The following NAALADL2 variants were observed in gnomAD, a reference collection of about 807,000 sequenced individuals.
NAALADL2 encodes N-acetylated alpha-linked acidic dipeptidase like 2.
Under a neutral mutation model 87.2 loss-of-function variants are expected in NAALADL2, and 76 were observed. That is an observed-to-expected ratio of 0.87 (90% CI 0.72 to 1.05). NAALADL2 has a LOEUF of 1.05. NAALADL2 is among the 50% of genes least tolerant of loss of function. The pLI is 0.00. For missense variants in NAALADL2, 1,089 were observed against 945.8 expected, an observed-to-expected ratio of 1.15 and a Z score of -1.99; for synonymous variants, 354 against 331.0, an observed-to-expected ratio of 1.07 and a Z score of -0.75.
intron 5 of NAALADL2, among the ~76,000 whole-genome samples, chr3:175,424,297 C>T (rs1716408095): frequency 6.6e-6 from 1 of 152,056 alleles, no homozygotes; most frequent in Admixed American, 6.5e-5. Context: ...CTTTTGTTGT[C>T]ATTGTTTTTG....
At chr3:175,421,279 G>A (rs147369959) in intron 5 of NAALADL2, among the ~76,000 whole-genome samples, 8 of 151,958 alleles carry the variant, frequency 5.3e-5, no homozygotes, top group Non-Finnish European at 8.8e-5. Flanking sequence ...AATGGTTCTC[G>A]TAGCATTGTT....
At chr3:174,865,669 T>C (rs1727054745) in intron 1 of NAALADL2, among the ~76,000 whole-genome samples, 1 of 151,956 alleles carries the variant, frequency 6.6e-6, no homozygotes, top group South Asian at 2.1e-4. Context: ...TGATTCTTGG[T>C]ATTGTTATAA....
chr3:174,916,623 CA>C (rs944596067), intron 1 of NAALADL2, among the ~76,000 whole-genome samples: 4 of 142,544 alleles, frequency 2.8e-5, no homozygotes, highest in Non-Finnish European at 6.1e-5. Flanking sequence ...AATGGAAAAC[CA>C]AATATTATAT....
intron 3 of NAALADL2, among the ~76,000 whole-genome samples, chr3:174,826,027 C>A (rs1480612141): frequency 7.7e-6 from 1 of 130,014 alleles, no homozygotes; most frequent in African/African-American, 3.0e-5. Context: ...GACTCCATCT[C>A]AAACAACAAC....
chr3:175,724,284 T>C (rs112174245), intron 11 of NAALADL2, among the ~76,000 whole-genome samples: 1 of 152,172 alleles, frequency 6.6e-6, no homozygotes, highest in Non-Finnish European at 1.5e-5. Context: ...ACTATTAATA[T>C]AAGAGTCCTG....
At chr3:175,599,770 T>C (rs1214960543) in intron 10 of NAALADL2, among the ~76,000 whole-genome samples, 3 of 152,208 alleles carry the variant, frequency 2.0e-5, no homozygotes, top group African/African-American at 7.2e-5. Flanking sequence ...TTGACCAAAA[T>C]GGTATCTTTA....
At chr3:175,064,883 C>A (rs1028876080) in intron 1 of NAALADL2, among the ~76,000 whole-genome samples, 5 of 152,156 alleles carry the variant, frequency 3.3e-5, no homozygotes, top group Non-Finnish European at 4.4e-5. Context: ...TCCAACTAAA[C>A]TGGCTTGGCT....
chr3:174,668,568 C>T (rs940825168), intron 2 of NAALADL2, among the ~76,000 whole-genome samples: 3 of 152,072 alleles, frequency 2.0e-5, no homozygotes, highest in African/African-American at 7.3e-5. Context: ...CTATCCCTCC[C>T]CTCTCCCCCC....
intron 11 of NAALADL2, among the ~76,000 whole-genome samples, chr3:175,697,165 T>C (rs1167877004): frequency 6.6e-6 from 1 of 152,092 alleles, no homozygotes; most frequent in African/African-American, 2.4e-5. Context: ...ATTTAGATTT[T>C]ATGGTGAAAT....
chr3:175,800,938 C>T (rs567741620), intron 13 of NAALADL2, among the ~76,000 whole-genome samples: 8 of 152,210 alleles, frequency 5.3e-5, no homozygotes, highest in South Asian at 2.1e-4. Flanking sequence ...GTAAGGAAAG[C>T]GAATGACTTA....
At chr3:175,366,576 T>C (rs1765602961) in intron 5 of NAALADL2, among the ~76,000 whole-genome samples, 1 of 151,874 alleles carries the variant, frequency 6.6e-6, no homozygotes, top group East Asian at 1.9e-4. Flanking sequence ...TGGTATCCCA[T>C]TGTGGTTTTG....
At chr3:174,615,192 T>G (rs955478064) in intron 2 of NAALADL2, among the ~76,000 whole-genome samples, 2 of 152,194 alleles carry the variant, frequency 1.3e-5, no homozygotes, top group Non-Finnish European at 2.9e-5. Flanking sequence ...ATTTTAAATG[T>G]GGAAGTAGCT....
intron 2 of NAALADL2, among the ~76,000 whole-genome samples, chr3:174,701,417 C>G (rs1171519537): frequency 6.6e-6 from 1 of 151,826 alleles, no homozygotes; most frequent in Non-Finnish European, 1.5e-5. Flanking sequence ...TAAATTATTT[C>G]AAGAATTCAT....
At chr3:175,001,609 T>C (rs556284895) in intron 1 of NAALADL2, among the ~76,000 whole-genome samples, 3 of 152,124 alleles carry the variant, frequency 2.0e-5, no homozygotes, top group Non-Finnish European at 4.4e-5. Flanking sequence ...TATCTGTTCA[T>C]TCCTTGTTTT....
rs1247613227 is a variant in NAALADL2, at chr3:174,834,900, A to G, written c.-9+97154A>G. ...ATTTCATTTAATCACTGTAAAATCT[A>G]TGAAAGAATTCTTTTAATAAAAAAT... On this transcript the variant is annotated intron_variant, in intron 3 of 3. Transcript: ENST00000434257. Among the ~76,000 whole-genome samples the G allele has an allele frequency of 2.6e-5, 4 of 152,004 alleles. No homozygotes were observed. In the East Asian group the frequency reaches 5.8e-4, roughly 22 times the overall value.
chr3:175,617,523 C>G (rs1288855432), intron 10 of NAALADL2, among the ~76,000 whole-genome samples: 3 of 152,172 alleles, frequency 2.0e-5, no homozygotes, highest in Non-Finnish European at 4.4e-5. Flanking sequence ...TAGCAGTTAC[C>G]AGGTGCATCT....
intron 4 of NAALADL2, among the ~76,000 whole-genome samples, chr3:175,317,971 G>A (rs1294050572): frequency 6.6e-6 from 1 of 152,098 alleles, no homozygotes; most frequent in Non-Finnish European, 1.5e-5. Flanking sequence ...AATAGATATT[G>A]TTGCAGAGAT....
Position 174,519,325 on chromosome 3 carries a change from C to T in NAALADL2, c.-183-31244C>T, listed in dbSNP as rs908234809. ...GAAACAAGTGAATGAATGAAGATTT[C>T]CTTTTTTTTTTTTTTTTTTGAGACA... On this transcript the variant is annotated intron_variant, in intron 1 of 3. Transcript: ENST00000434257. Among the ~76,000 whole-genome samples the T allele has an allele frequency of 3.7e-3, 537 of 146,208 alleles. 8 individuals carry two copies. Among genetic ancestry groups the T allele is most frequent in the African/African-American group, 0.013 (473 of 37,364 alleles).
intron 3 of NAALADL2, among the ~76,000 whole-genome samples, chr3:174,749,943 T>C (rs899282658): frequency 1.1e-4 from 16 of 152,214 alleles, no homozygotes; most frequent in African/African-American, 3.4e-4. Context: ...GCTATGAAAT[T>C]TTTAAAATTC....
Sources: allele counts gnomAD v4.1 joint callset (sites outside exome capture counted in the v4.1 genomes callset), GRCh38; gene constraint gnomAD v4.1.1; transcripts MANE v1.5; gene names NCBI Gene and HGNC (gene_info 2026-07-23, HGNC 2026-07-21).